Variants in ZNF451 observed in about 807,000 individuals in gnomAD.
The protein encoded by ZNF451 is E3 SUMO-protein ligase ZNF451.
A neutral mutation model predicts 107.1 loss-of-function variants in ZNF451; 80 were observed. The ratio of observed to expected loss-of-function variants is 0.75; its 90% CI spans 0.62 to 0.90. The LOEUF (loss-of-function observed/expected upper bound fraction) is 0.90, where lower values mean the gene tolerates loss of function less well. Ranked by LOEUF, ZNF451 falls within the 40% of genes least tolerant of loss-of-function variation. The pLI is 0.00. For missense variants in ZNF451, 1,107 were observed against 1,236.2 expected (o/e 0.90, Z 1.57); for synonymous variants, 362 against 406.5 (o/e 0.89, Z 1.32).
intron 12 of ZNF451, among the ~76,000 whole-genome samples, chr6:57,152,603 G>A (rs1228954317): frequency 6.6e-6 from 1 of 152,028 alleles, no homozygotes; most frequent in Non-Finnish European, 1.5e-5. Flanking sequence ...CTGTTTTTTG[G>A]GTTTGTTTTT....
chr6:57,128,388 C>T (rs1276330268), intron 4 of ZNF451, among the ~76,000 whole-genome samples: 1 of 151,950 alleles, frequency 6.6e-6, no homozygotes, highest in African/African-American at 2.4e-5. Context: ...TTGTTTAATA[C>T]AGTTTGGCGA....
At chr6:57,111,650 G>A (rs1433935649) in intron 3 of ZNF451, among the ~76,000 whole-genome samples, 2 of 152,050 alleles carry the variant, frequency 1.3e-5, no homozygotes, top group African/African-American at 4.8e-5. Context: ...CAAAGTGCTG[G>A]GATTGTGGTT....
At chr6:57,103,447 T>A (rs911438728) in intron 3 of ZNF451, 2 of 985,316 alleles carry the variant, frequency 2.0e-6, no homozygotes, top group African/African-American at 3.5e-5. Flanking sequence ...ATTAATAGTT[T>A]TTCACCATAC....
chr6:57,107,671 C>G, intron 3 of ZNF451: 1 of 985,290 alleles, frequency 1.0e-6, no homozygotes, highest in Non-Finnish European at 1.2e-6. Flanking sequence ...TAACCTATTT[C>G]AAATGGTCTG....
chr6:57,121,450 T>C (rs747358529), intron 3 of ZNF451, among the ~76,000 whole-genome samples: 24 of 152,206 alleles, frequency 1.6e-4, no homozygotes, highest in Non-Finnish European at 3.4e-4. Context: ...ATTGAATATA[T>C]AGATCAAGTT....
chr6:57,142,140 G>T (rs1190769502), intron 9 of ZNF451, 45 bp downstream of exon 9: 1 of 1,519,004 alleles, frequency 6.6e-7, no homozygotes, highest in Non-Finnish European at 8.9e-7. Context: ...ATGAGTGTTT[G>T]CCAGTGAGAA....
chr6:57,104,786 C>A (rs1024843968), intron 3 of ZNF451: 67 of 985,146 alleles, frequency 6.8e-5, no homozygotes, highest in Non-Finnish European at 8.0e-5. Flanking sequence ...GTAAAAGTAT[C>A]CTTTCTTAGT....
Position 57,152,335 on chromosome 6 carries a change from T to C in ZNF451, c.2867T>C (p.Phe956Ser), listed in dbSNP as rs778947711. Residue 956 changes from phenylalanine (F) to serine (S), a missense_variant, in exon 12 of 15, where the codon TTT becomes TCT. Phe to Ser is a radical substitution (Grantham distance 155). Coordinates refer to ENST00000370706, the MANE Select transcript of ZNF451 (RefSeq NM_001031623.3). Reference protein sequence around the residue: ...RCSKRKDAADFAICMHAGRLD... With the variant: ...RCSKRKDAADSAICMHAGRLD... ...AGTAAAAGAAAAGATGCTGCTGATT[T>C]TGCCATATGTATGCATGTGAGTCAT... 1 of 1,614,116 alleles carries C rather than the reference T, an allele frequency of 6.2e-7. No homozygotes were observed. Among genetic ancestry groups the C allele is most frequent in the Admixed American group, 1.7e-5 (1 of 60,018 alleles).
intron 3 of ZNF451, 66 bp from the exon 4 acceptor site, chr6:57,124,668 G>T: frequency 8.6e-7 from 1 of 1,168,186 alleles, no homozygotes; most frequent in Non-Finnish European, 1.2e-6. Context: ...GCTGTTTTAT[G>T]AATGGATGTA....
intron 7 of ZNF451, among the ~76,000 whole-genome samples, chr6:57,138,455 C>G (rs540806540): frequency 6.6e-5 from 10 of 151,024 alleles, no homozygotes; most frequent in Middle Eastern, 3.4e-3. Context: ...GTAGAGACGG[C>G]GTTTCACCAC....
chr6:57,143,786 A>G (rs1593151475), intron 9 of ZNF451, among the ~76,000 whole-genome samples: 1 of 152,328 alleles, frequency 6.6e-6, no homozygotes, highest in East Asian at 1.9e-4. Flanking sequence ...TAGTAAAAAA[A>G]TGGGAACATC....
In ZNF451 at chr6:57,147,607, G is replaced by A; in HGVS notation, c.1522G>A (p.Asp508Asn). The change falls in exon 10 of 15, where the codon GAT (aspartate) becomes AAT (asparagine). Residue 508 changes from aspartate to asparagine, a missense_variant. By Grantham distance (23) the Asp-to-Asn change is conservative. Transcript: ENST00000370706. ...ATGTGTGGTCTGTGGAAAGGTATGT[G>A]ATGATTCAGGGGTCATTCGTTTACA... ...YKCVVCGKVC[D>N]DSGVIRLHMS... The A allele has an allele frequency of 1.9e-6, 3 of 1,614,132 alleles. No homozygotes were observed. The highest frequency in any genetic ancestry group is 2.5e-6 in the Non-Finnish European group (3 of 1,179,988).
At chr6:57,162,633 GAT>G (rs1763718515) in intron 14 of ZNF451, among the ~76,000 whole-genome samples, 1 of 152,158 alleles carries the variant, frequency 6.6e-6, no homozygotes, top group Non-Finnish European at 1.5e-5. Flanking sequence ...GCCACTAAAA[GAT>G]AAACAGTACT....
intron 3 of ZNF451, chr6:57,101,170 G>C (rs1430018780): frequency 3.9e-6 from 6 of 1,550,612 alleles, no homozygotes; most frequent in African/African-American, 2.7e-5. Context: ...GCAGCCATCT[G>C]ACCCCAGCCA....
chr6:57,150,353 TG>T (rs1832286259), intron 10 of ZNF451, among the ~76,000 whole-genome samples: 1 of 152,218 alleles, frequency 6.6e-6, no homozygotes, highest in Non-Finnish European at 1.5e-5. Flanking sequence ...GAATTTTATA[TG>T]GGTGGTATTA....
intron 4 of ZNF451, among the ~76,000 whole-genome samples, chr6:57,125,367 A>T (rs1830883177): frequency 6.6e-6 from 1 of 152,122 alleles, no homozygotes; most frequent in Admixed American, 6.5e-5. Context: ...GCATGATATA[A>T]TTTTTTTCCT....
At chr6:57,108,157 A>T (rs1057392181) in intron 3 of ZNF451, 151 of 985,166 alleles carry the variant, frequency 1.5e-4, no homozygotes, top group Middle Eastern at 5.2e-4. Context: ...GTGATATTTT[A>T]AAAAATTCTA....
At position 57,109,596 on chromosome 6, in the gene ZNF451, T is replaced by C. The variant is rs1228036956; in HGVS notation, c.186+10455T>C. ...TAGATACATACATTTTAAAATGTTA[T>C]TTAACAGCATGTAAATGTTCATTTC... On this transcript the variant is annotated intron_variant, in intron 3 of 14. Coordinates refer to ENST00000370706, the MANE Select transcript of ZNF451 (RefSeq NM_001031623.3). 7.1e-6 allele frequency: 7 copies of C among 985,280 alleles called. No homozygotes were observed. The South Asian group carries it at 3.3e-4, about 46-fold the overall frequency. The allele number at this position is 985,280 out of a possible 1,614,324, so 61.0% of individuals were successfully genotyped here. A position where few individuals can be genotyped will look rare whatever the true frequency, so the allele number is the denominator to read the frequency against.
chr6:57,140,676 A>C lies in ZNF451; in HGVS notation c.703-626A>C, dbSNP rs375687623. Among the ~76,000 whole-genome samples, 13 of 152,258 alleles carry C rather than the reference A, an allele frequency of 8.5e-5. No homozygotes were observed. The East Asian group carries it at 1.7e-3, about 20-fold the overall frequency. On this transcript the variant is annotated intron_variant, in intron 7 of 14. Transcript: ENST00000370706. ...AAAAAAAAACCCAAAACTTAAAAAA[A>C]GAAAAAAACTGAAAATAAATGTTGA...
Sources: allele counts gnomAD v4.1 joint callset (sites outside exome capture counted in the v4.1 genomes callset), GRCh38; gene constraint gnomAD v4.1.1; transcripts MANE v1.5; gene names NCBI Gene and HGNC (gene_info 2026-07-23, HGNC 2026-07-21).